ANO2: variants seen among roughly 807,000 people sequenced by gnomAD.
ANO2 encodes anoctamin 2.
ANO2 carries 101 observed loss-of-function variants against 124.2 expected under a neutral mutation model. The ratio of observed to expected loss-of-function variants is 0.81; its 90% CI spans 0.69 to 0.96. The LOEUF (loss-of-function observed/expected upper bound fraction) is 0.96. Among genes scored for constraint, ANO2 ranks in the 40% least tolerant of loss-of-function variants. The probability of loss-of-function intolerance (pLI) is 0.00; values close to 1 mark genes in which losing one functional copy is unlikely to be tolerated. For missense variants in ANO2, 1,293 were observed against 1,274.5 expected, an observed-to-expected ratio of 1.01 and a Z score of -0.22; for synonymous variants, 486 against 482.5, an observed-to-expected ratio of 1.01 and a Z score of -0.09.
At chr12:5,883,872 T>C (rs563480905) in intron 3 of ANO2, among the ~76,000 whole-genome samples, 104 of 152,314 alleles carry the variant, frequency 6.8e-4, no homozygotes, top group Non-Finnish European at 9.6e-4. Context: ...ATTGCTAACA[T>C]TGATTGATTG....
intron 4 of ANO2, among the ~76,000 whole-genome samples, chr12:5,853,837 G>A (rs1418738207): frequency 1.3e-5 from 2 of 151,818 alleles, no homozygotes; most frequent in South Asian, 2.1e-4. Flanking sequence ...GCTCTGAGGT[G>A]GGAGGATCTC....
intron 3 of ANO2, among the ~76,000 whole-genome samples, chr12:5,915,434 A>G (rs1314086191): frequency 1.3e-5 from 2 of 151,438 alleles, no homozygotes; most frequent in African/African-American, 2.4e-5. Flanking sequence ...CCAGGTATCA[A>G]GGAGGGTGGG....
intron 7 of ANO2, among the ~76,000 whole-genome samples, chr12:5,826,887 C>T (rs1313592170): frequency 6.6e-6 from 1 of 152,162 alleles, no homozygotes; most frequent in African/African-American, 2.4e-5. Context: ...TGACTCTGAA[C>T]TCTTTTCAAC....
In ANO2 at chr12:5,925,122, A is replaced by C. The variant is rs1388511959; in HGVS notation, c.23-2318T>G. On this transcript the variant is annotated intron_variant, in intron 1 of 24. Coordinates refer to ENST00000682330, the MANE Select transcript of ANO2 (RefSeq NM_001364791.2). The surrounding 1 kb of genome is among the most constrained non-coding windows in gnomAD (Gnocchi z 4.6). ...GAAACCTCTAGATGCATGTCTAAAA[A>C]GCCCAAGACCACTGGATACATCACT... Among the ~76,000 whole-genome samples, 1 of 152,156 alleles carries C rather than the reference A, an allele frequency of 6.6e-6. No homozygotes were observed.
intron 14 of ANO2, among the ~76,000 whole-genome samples, chr12:5,677,847 G>A (rs192773044): frequency 2.0e-5 from 3 of 152,304 alleles, no homozygotes; most frequent in Admixed American, 6.5e-5. Flanking sequence ...TCCAGCATGG[G>A]GGCAATTTCC....
intron 14 of ANO2, among the ~76,000 whole-genome samples, chr12:5,702,840 C>CA (rs1249281913): frequency 6.6e-6 from 1 of 152,022 alleles, no homozygotes; most frequent in African/African-American, 2.4e-5. Context: ...CATCAATTGA[C>CA]AAAAAATTAA....
chr12:5,841,858 T>A lies in ANO2; in HGVS notation c.634-9255A>T, dbSNP rs374421098. On this transcript the variant is annotated intron_variant, in intron 4 of 24. Transcript: ENST00000682330. The stretch of plus-strand genomic sequence containing the variant: ...TTTTTCTTCTGTTGGTGCCTCCTAA[T>A]TTATTTTACTTTTTATTTTTTATTT... Among the ~76,000 whole-genome samples, 302 of 152,242 alleles carry A rather than the reference T, an allele frequency of 2.0e-3. 1 individual carries two copies. Among genetic ancestry groups the A allele is most frequent in the African/African-American group, 6.4e-3 (264 of 41,556 alleles).
In ANO2 at chr12:5,891,226, G is replaced by T. The variant is rs115446045; in HGVS notation, c.534+29814C>A. ...CCCTCTATTTCTGGCTTTAGAAAAAGAAAGTCATCTCTTAACACTCAGAAA... is the reference window on the plus strand; with the variant it reads ...CCCTCTATTTCTGGCTTTAGAAAAATAAAGTCATCTCTTAACACTCAGAAA... On this transcript the variant is annotated intron_variant, in intron 3 of 24. Transcript: ENST00000682330. Among the ~76,000 whole-genome samples the T allele has an allele frequency of 1.7e-3, 257 of 152,282 alleles. 1 individual carries two copies. Among genetic ancestry groups the T allele is most frequent in the African/African-American group, 6.0e-3 (249 of 41,564 alleles).
At chr12:5,681,984 C>T (rs1389032716) in intron 14 of ANO2, among the ~76,000 whole-genome samples, 1 of 152,158 alleles carries the variant, frequency 6.6e-6, no homozygotes, top group Non-Finnish European at 1.5e-5. Flanking sequence ...AAAAGAGGTC[C>T]ATTTCTTTCC....
chr12:5,827,611 G>A (rs1028345294), intron 7 of ANO2, 158 bp downstream of exon 7: 1 of 849,842 alleles, frequency 1.2e-6, no homozygotes, highest in Admixed American at 2.1e-5. Context: ...GCTGCTCCTG[G>A]GGCCAAGGCA....
chr12:5,750,748 A>G (rs1951409017), intron 11 of ANO2, 88 bp downstream of exon 11: 18 of 1,359,510 alleles, frequency 1.3e-5, no homozygotes, highest in Non-Finnish European at 1.7e-5. Context: ...GGCTTTGGAA[A>G]GAGGCATGTG....
At chr12:5,688,492 G>A (rs1329392619) in intron 14 of ANO2, among the ~76,000 whole-genome samples, 2 of 152,074 alleles carry the variant, frequency 1.3e-5, no homozygotes, top group Non-Finnish European at 2.9e-5. Context: ...TCCAAACAAA[G>A]GTTTGACTCT....
At chr12:5,890,704 G>C (rs982841717) in intron 3 of ANO2, among the ~76,000 whole-genome samples, 2 of 152,194 alleles carry the variant, frequency 1.3e-5, no homozygotes, top group Non-Finnish European at 2.9e-5. Context: ...AATTCACAAA[G>C]GTACAATATC....
At chr12:5,868,788 G>A (rs1260173539) in intron 3 of ANO2, among the ~76,000 whole-genome samples, 2 of 152,216 alleles carry the variant, frequency 1.3e-5, no homozygotes, top group East Asian at 1.9e-4. Flanking sequence ...GAGACCGCAG[G>A]TCTGGAAGAG....
At chr12:5,809,045 T>C (rs1399817782) in intron 7 of ANO2, among the ~76,000 whole-genome samples, 1 of 152,248 alleles carries the variant, frequency 6.6e-6, no homozygotes, top group African/African-American at 2.4e-5. Flanking sequence ...GGGCCAGTCC[T>C]TTCCTGATTT....
intron 4 of ANO2, among the ~76,000 whole-genome samples, chr12:5,843,555 AAAAAT>A (rs538435319): frequency 8.5e-5 from 13 of 152,276 alleles, no homozygotes; most frequent in Admixed American, 3.3e-4. Flanking sequence ...ATCTCAAAAA[AAAAAT>A]AAAATAAAAT....
intron 3 of ANO2, among the ~76,000 whole-genome samples, chr12:5,877,703 C>T (rs991346639): frequency 6.6e-6 from 1 of 152,206 alleles, no homozygotes; most frequent in African/African-American, 2.4e-5. Context: ...GGACTAGTTT[C>T]TTGGAAGACC....
At chr12:5,736,251 T>C (rs1352101428) in intron 13 of ANO2, among the ~76,000 whole-genome samples, 1 of 152,172 alleles carries the variant, frequency 6.6e-6, no homozygotes, top group Non-Finnish European at 1.5e-5. Context: ...TTCTTCTGGC[T>C]TGTCTCTGGT....
In ANO2 at chr12:5,612,655, C is replaced by G; in HGVS notation, c.2087+1G>C. On this transcript the variant is annotated splice_donor_variant, in intron 19 of 24. Transcript: ENST00000682330. LOFTEE classifies it high-confidence loss of function. ...AGAGGTTAGAGGAGTTCATTACATA[C>G]GGGACTCCAATCTCAAAGATGTTGT... The G allele has an allele frequency of 1.2e-6, 2 of 1,612,978 alleles. No individual in the cohort carries two copies. Among genetic ancestry groups the G allele is most frequent in the Non-Finnish European group, 1.7e-6 (2 of 1,179,042 alleles).
Sources: gnomAD v4.1 joint callset for allele counts (sites outside exome capture counted in the v4.1 genomes callset) on GRCh38, gnomAD v4.1.1 for gene constraint, Gnocchi (gnomAD v3.1) non-coding constraint, MANE v1.5 for transcripts, NCBI Gene and HGNC (gene_info 2026-07-23, HGNC 2026-07-21) for gene names.